The following CA10 variants were observed in gnomAD, a reference collection of about 807,000 sequenced individuals.
CA10 encodes the protein carbonic anhydrase-related protein 10.
Under a neutral mutation model 44.2 loss-of-function variants are expected in CA10, and 14 were observed. The ratio of observed to expected loss-of-function variants is 0.32; its 90% CI spans 0.21 to 0.50. CA10 has a LOEUF of 0.50. CA10 is among the 20% of genes least tolerant of loss of function. CA10 has a pLI of 0.99. For synonymous variants in CA10, 159 were observed against 141.6 expected (o/e 1.12, Z -0.87); for missense variants, 350 against 409.7 (o/e 0.85, Z 1.26).
intron 3 of CA10, among the ~76,000 whole-genome samples, chr17:51,923,710 T>A (rs1233273317): frequency 6.6e-6 from 1 of 152,190 alleles, no homozygotes; most frequent in African/African-American, 2.4e-5. Context: ...AATTCACATT[T>A]CTTATTTTTT....
At chr17:51,869,727 G>A (rs149408010) in intron 3 of CA10, among the ~76,000 whole-genome samples, 1 of 152,206 alleles carries the variant, frequency 6.6e-6, no homozygotes, top group East Asian at 1.9e-4. Flanking sequence ...CTGGGCAATA[G>A]AGCAAACCCC....
At chr17:51,926,149 GT>G (rs1982419940) in intron 3 of CA10, among the ~76,000 whole-genome samples, 1 of 152,088 alleles carries the variant, frequency 6.6e-6, no homozygotes, top group Non-Finnish European at 1.5e-5. Flanking sequence ...AGAACTATCG[GT>G]AGTTAAGAAC....
chr17:52,148,004 C>G (rs1989625608), intron 1 of CA10, among the ~76,000 whole-genome samples: 1 of 152,170 alleles, frequency 6.6e-6, no homozygotes. Flanking sequence ...CAAATCCACT[C>G]TGTTCTTTCA....
intron 2 of CA10, among the ~76,000 whole-genome samples, chr17:52,057,193 G>A (rs748657576): frequency 2.6e-5 from 4 of 152,020 alleles, no homozygotes; most frequent in Non-Finnish European, 5.9e-5. Context: ...TGTGAGCTAC[G>A]TAGGTCGACT....
intron 3 of CA10, among the ~76,000 whole-genome samples, chr17:51,930,728 T>C (rs1464103458): frequency 6.6e-6 from 1 of 152,052 alleles, no homozygotes; most frequent in African/African-American, 2.4e-5. Context: ...TTCTGTCCTT[T>C]ATGGGGGTAC....
intron 1 of CA10, among the ~76,000 whole-genome samples, chr17:52,137,348 A>G (rs1460032032): frequency 6.6e-6 from 1 of 152,238 alleles, no homozygotes; most frequent in Admixed American, 6.5e-5. Flanking sequence ...TATTACTATT[A>G]TCTGTAACAC....
Position 51,817,450 on chromosome 17 carries a change from T to A in CA10, c.280-69632A>T, listed in dbSNP as rs143928977. Among the ~76,000 whole-genome samples, 305 of 152,250 alleles carry A rather than the reference T, an allele frequency of 2.0e-3. 1 individual carries two copies. The highest frequency in any genetic ancestry group is 7.7e-3 in the South Asian group (37 of 4,808). ...TCCTGTAAGTGATGGTGGGGAGGGA[T>A]GCATGGCAGACTCTTTATGCAGATA... On this transcript the variant is annotated intron_variant, in intron 3 of 8. Transcript: ENST00000451037.
At position 51,836,152 on chromosome 17, in the gene CA10, G is replaced by A. The variant is rs117788539; in HGVS notation, c.280-88334C>T. Among the ~76,000 whole-genome samples the A allele has an allele frequency of 2.9e-3, 441 of 152,286 alleles. 1 individual carries two copies. Among genetic ancestry groups the A allele is most frequent in the Non-Finnish European group, 4.0e-3 (271 of 68,032 alleles). On this transcript the variant is annotated intron_variant, in intron 3 of 8. Transcript: ENST00000451037. Reference sequence around the variant, plus strand: ...TTTCCATACACACTTTTCATTCATGGACTGGGAAGGGACTGAGAAGCAAAC... The same window carrying A: ...TTTCCATACACACTTTTCATTCATGAACTGGGAAGGGACTGAGAAGCAAAC...
At chr17:51,932,283 G>A (rs570341597) in intron 2 of CA10, among the ~76,000 whole-genome samples, 2 of 152,172 alleles carry the variant, frequency 1.3e-5, no homozygotes, top group South Asian at 4.2e-4. Context: ...CTTCTTAAAT[G>A]GACCTGTCCT....
intron 3 of CA10, among the ~76,000 whole-genome samples, chr17:51,887,606 A>G (rs58999658): frequency 0.11 from 17,100 of 152,194 alleles, 1,324 homozygotes; most frequent in African/African-American, 0.23. Context: ...CTCAGTTTCC[A>G]CATCTGCACA....
At chr17:51,813,767 G>A (rs747973966) in intron 3 of CA10, among the ~76,000 whole-genome samples, 8 of 152,086 alleles carry the variant, frequency 5.3e-5, no homozygotes, top group South Asian at 2.1e-4. Context: ...AGGATATACC[G>A]GCTTTTCCAA....
At chr17:51,666,480 C>T (rs1296899446) in intron 4 of CA10, among the ~76,000 whole-genome samples, 2 of 152,132 alleles carry the variant, frequency 1.3e-5, no homozygotes, top group Admixed American at 6.5e-5. Flanking sequence ...CGATTGAAAA[C>T]TCTAGAGGGA....
chr17:52,058,503 C>A (rs1567718913), intron 2 of CA10, among the ~76,000 whole-genome samples: 1 of 152,092 alleles, frequency 6.6e-6, no homozygotes, highest in Non-Finnish European at 1.5e-5. Flanking sequence ...AAAGCATGAC[C>A]TTCTAAGTCC....
At chr17:52,081,508 T>C (rs1987975281) in intron 1 of CA10, among the ~76,000 whole-genome samples, 2 of 152,224 alleles carry the variant, frequency 1.3e-5, no homozygotes, top group African/African-American at 4.8e-5. Context: ...ATCATAAGAT[T>C]TAGATGAAGC....
At chr17:51,791,453 T>C (rs1906516030) in intron 3 of CA10, among the ~76,000 whole-genome samples, 1 of 152,256 alleles carries the variant, frequency 6.6e-6, no homozygotes, top group African/African-American at 2.4e-5. Context: ...AACTAATGTT[T>C]GTTAAATAAA....
At chr17:51,771,861 T>C (rs1361696892) in intron 3 of CA10, among the ~76,000 whole-genome samples, 2 of 151,894 alleles carry the variant, frequency 1.3e-5, no homozygotes, top group African/African-American at 2.4e-5. Flanking sequence ...TTACAGAGAG[T>C]GTTCACACAC....
At chr17:51,634,920 T>C (rs922867276) in intron 7 of CA10, among the ~76,000 whole-genome samples, 2 of 152,230 alleles carry the variant, frequency 1.3e-5, no homozygotes, top group African/African-American at 2.4e-5. Flanking sequence ...TTAATGGCTA[T>C]CTTTTCCCAC....
chr17:52,000,227 A>C (rs1210726018), intron 2 of CA10, among the ~76,000 whole-genome samples: 1 of 152,076 alleles, frequency 6.6e-6, no homozygotes, highest in African/African-American at 2.4e-5. Context: ...GCCCTGGGCC[A>C]CTGATGTGAC....
In CA10 at chr17:51,916,145, G is replaced by GT. The variant is rs67266456; in HGVS notation, c.279+14844dup. ...GTTGCATGCTACGCTGCTGGAAACA[G>GT]TGTCATTGGCCAGAAGCTGGTTGCC... On this transcript the variant is annotated intron_variant, in intron 3 of 8. Coordinates refer to ENST00000451037, the MANE Select transcript of CA10 (RefSeq NM_020178.5). 7.7e-5 allele frequency among the ~76,000 whole-genome samples: 6 copies of GT among 78,406 alleles called. No individual in the cohort carries two copies. In the East Asian group the frequency reaches 2.6e-3, roughly 34 times the overall value. 51.4% of individuals were successfully genotyped at this position (78,406 alleles called of 152,430 possible).
Sources: allele counts gnomAD v4.1 joint callset (sites outside exome capture counted in the v4.1 genomes callset), GRCh38; gene constraint gnomAD v4.1.1; transcripts MANE v1.5; gene names NCBI Gene and HGNC (gene_info 2026-07-23, HGNC 2026-07-21).